The following PCYT1B variants were observed in gnomAD, a reference collection of about 807,000 sequenced individuals.
PCYT1B encodes the protein choline-phosphate cytidylyltransferase B.
PCYT1B carries 10 observed loss-of-function variants against 26.4 expected under a neutral mutation model. The observed-to-expected ratio is 0.38, with a 90% CI of 0.23 to 0.64. The LOEUF is 0.64. PCYT1B is among the 30% of genes least tolerant of loss of function. The pLI is 0.56. For synonymous variants in PCYT1B, 131 were observed against 108.4 expected, an observed-to-expected ratio of 1.21 and a Z score of -1.29; for missense variants, 161 against 292.7, an observed-to-expected ratio of 0.55 and a Z score of 3.28.
chrX:24,662,108 G>T (rs1248256767), intron 1 of PCYT1B, among the ~76,000 whole-genome samples: 15 of 112,477 alleles, frequency 1.3e-4, no homozygotes. Context: ...GGTTGAGACT[G>T]CAGTAAGCTG....
intron 4 of PCYT1B, among the ~76,000 whole-genome samples, chrX:24,589,316 AT>A (rs774442890): frequency 9.9e-5 from 11 of 111,390 alleles, no homozygotes; most frequent in Non-Finnish European, 5.7e-5. Flanking sequence ...GCTTAATCTT[AT>A]TTTTTTTGTA....
chrX:24,672,494 A>G (rs975627147), intron 1 of PCYT1B: 4 of 711,424 alleles, frequency 5.6e-6, no homozygotes, highest in Non-Finnish European at 8.7e-6. Flanking sequence ...ACACTTGCAG[A>G]TACATAGGAC....
rs557405081 is a variant in PCYT1B at position 24,609,263 on chromosome X, C to T, written c.218-1402G>A. ...TCGGCTCACTGCAACCTCCACCTCC[C>T]GGGTTCAAGCAATTCTCCTGCCTCA... is the stretch of plus-strand genomic sequence containing the variant. On this transcript the variant is annotated intron_variant, in intron 2 of 7. Transcript: ENST00000379144. 4.9e-4 allele frequency among the ~76,000 whole-genome samples: 54 copies of T among 110,805 alleles called. 1 individual carries two copies. The South Asian group carries it at 0.02, about 41-fold the overall frequency.
chrX:24,600,393 G>C, intron 3 of PCYT1B, among the ~76,000 whole-genome samples: 1 of 111,019 alleles, frequency 9.0e-6, no homozygotes, highest in East Asian at 2.8e-4. Flanking sequence ...AAATTGGAGA[G>C]AGAAACAGGC....
rs778883596 is a variant in PCYT1B at position 24,562,399 on chromosome X, G to A, written c.1004C>T (p.Ser335Leu). The A allele has an allele frequency of 9.3e-6, 11 of 1,189,084 alleles. No individual in the cohort carries two copies. The highest frequency in any genetic ancestry group is 1.2e-5 in the Non-Finnish European group (11 of 884,938). Residue 335 changes from serine (S) to leucine (L), a missense_variant, in exon 8 of 8, where the codon TCG becomes TTG. Physicochemically the swap from Ser to Leu is moderately radical, Grantham distance 145 (BLOSUM62 -2). Coordinates refer to ENST00000379144, the MANE Select transcript of PCYT1B (RefSeq NM_004845.5). ...TRSRSPSRSP[S>L]PTFSWLPLKT... ...GAGTGGAAGCCATGAGAAGGTGGGC[G>A]ATGGGGAGCGGGAAGGGGACCGGCT...
chrX:24,561,655 T>A lies in PCYT1B; in HGVS notation c.*638A>T, dbSNP rs1350541752. 1.6e-5 allele frequency: 2 copies of A among 127,187 alleles called. No individual in the cohort carries two copies. The highest frequency in any genetic ancestry group is 6.4e-5 in the African/African-American group (2 of 31,291). 10.5% of individuals were successfully genotyped at this position (127,187 alleles called of 1,213,427 possible). A position where few individuals can be genotyped will look rare whatever the true frequency, so the allele number is the denominator to read the frequency against. The stretch of plus-strand genomic sequence containing the variant: ...GTGGAGTTCTTGACAAAACTGTCCT[T>A]TGAATAAAAAGTTAAGGTTCACACT... On this transcript the variant is annotated 3_prime_UTR_variant, in exon 8 of 8. Coordinates refer to ENST00000379144, the MANE Select transcript of PCYT1B (RefSeq NM_004845.5).
At position 24,587,290 on chromosome X, in the gene PCYT1B, C is replaced by T. The variant is rs34701484; in HGVS notation, c.516G>A (p.Pro172=). The change falls in exon 5 of 8, where the codon CCG becomes CCA. Residue 172 remains proline (P), a synonymous_variant. Transcript: ENST00000379144. ...KIDFVAHDDI[P]YSSAGSDDVY... ...CATCATCAGAGCCAGCAGAGGAATA[C>T]GGAATGTCATCATGAGCCACAAAGT... 2.1e-5 allele frequency: 25 copies of T among 1,202,090 alleles called. No homozygotes were observed. In the Admixed American group the frequency reaches 2.6e-4, roughly 13 times the overall value.
intron 1 of PCYT1B, among the ~76,000 whole-genome samples, chrX:24,642,366 A>G (rs16983194): frequency 0.039 from 4,422 of 112,410 alleles, 231 homozygotes; most frequent in African/African-American, 0.14. Context: ...GCATTGCTAA[A>G]TACTTTAAAT....
chrX:24,647,400 G>T, upstream of PCYT1B: 1 of 405,544 alleles, frequency 2.5e-6, no homozygotes, highest in Non-Finnish European at 3.1e-6. Flanking sequence ...GCGCTGGTTG[G>T]CTACTGTCAT....
intron 1 of PCYT1B, among the ~76,000 whole-genome samples, chrX:24,623,301 C>T (rs1388540287): frequency 9.4e-6 from 1 of 106,253 alleles, no homozygotes; most frequent in African/African-American, 3.4e-5. Flanking sequence ...TCACAGAAGA[C>T]AGACTATGCC....
At chrX:24,579,482 T>C (rs762579187) in intron 5 of PCYT1B, 24 bp from the exon 6 acceptor site, 6 of 1,195,796 alleles carry the variant, frequency 5.0e-6, no homozygotes, top group Non-Finnish European at 6.8e-6. Context: ...AAAGAGCGGA[T>C]AGAGGAAAAA....
intron 1 of PCYT1B, among the ~76,000 whole-genome samples, chrX:24,661,981 T>C (rs1401440930): frequency 1.8e-5 from 2 of 110,386 alleles, no homozygotes; most frequent in African/African-American, 6.6e-5. Context: ...CTGGGCAACA[T>C]GGTGAGACTT....
intron 1 of PCYT1B, among the ~76,000 whole-genome samples, chrX:24,635,265 C>T (rs1926235833): frequency 9.0e-6 from 1 of 111,630 alleles, no homozygotes; most frequent in Non-Finnish European, 1.9e-5. Flanking sequence ...ATTCTTCATG[C>T]TACAGTAAAA....
intron 5 of PCYT1B, among the ~76,000 whole-genome samples, chrX:24,583,893 A>ACTGAAT: frequency 8.9e-6 from 1 of 112,174 alleles, no homozygotes; most frequent in Non-Finnish European, 1.9e-5. Flanking sequence ...CACCAGACCT[A>ACTGAAT]CTGAATCTGA....
intron 1 of PCYT1B, among the ~76,000 whole-genome samples, chrX:24,630,545 T>G (rs747079632): frequency 7.7e-4 from 87 of 112,331 alleles, no homozygotes; most frequent in Admixed American, 4.8e-3. Flanking sequence ...TCCGCCCGCC[T>G]TGGCCTCCCA....
chrX:24,577,354 G>A (rs940373662), intron 6 of PCYT1B, among the ~76,000 whole-genome samples: 6 of 112,380 alleles, frequency 5.3e-5, no homozygotes, highest in African/African-American at 1.3e-4. Context: ...TCTAAACGCC[G>A]TTTAAAGAGA....
chrX:24,653,515 C>G (rs1569258331), intron 1 of PCYT1B, among the ~76,000 whole-genome samples: 3 of 111,831 alleles, frequency 2.7e-5, no homozygotes, highest in Admixed American at 9.5e-5. Flanking sequence ...TGAAATAACT[C>G]TGAACTGCAT....
At chrX:24,598,887 T>C (rs1924873079) in intron 3 of PCYT1B, among the ~76,000 whole-genome samples, 1 of 112,251 alleles carries the variant, frequency 8.9e-6, no homozygotes, top group African/African-American at 3.2e-5. Flanking sequence ...TTTGGTTGGA[T>C]GGTGTTTTCT....
At chrX:24,658,645 C>T (rs2148279594) in intron 1 of PCYT1B, among the ~76,000 whole-genome samples, 1 of 110,608 alleles carries the variant, frequency 9.0e-6, no homozygotes, top group South Asian at 3.9e-4. Context: ...TCTAAGTCTC[C>T]TGCCTTCCTC....
Sources: gnomAD v4.1 joint callset for allele counts (sites outside exome capture counted in the v4.1 genomes callset) on GRCh38, gnomAD v4.1.1 for gene constraint, MANE v1.5 for transcripts, NCBI Gene and HGNC (gene_info 2026-07-23, HGNC 2026-07-21) for gene names.